The following CREBZF variants were observed in gnomAD, a reference collection of about 807,000 sequenced individuals.
CREBZF encodes the protein CREB/ATF bZIP transcription factor.
In CREBZF, 8 loss-of-function variants were observed where a neutral mutation model predicts 21.1. The ratio of observed to expected loss-of-function variants is 0.38; its 90% CI spans 0.22 to 0.68. The LOEUF is 0.68. Among genes scored for constraint, CREBZF ranks in the 30% least tolerant of loss-of-function variants. CREBZF has a pLI of 0.51. For missense variants in CREBZF, 518 were observed against 484.3 expected, an observed-to-expected ratio of 1.07 and a Z score of -0.65; for synonymous variants, 270 against 223.3, an observed-to-expected ratio of 1.21 and a Z score of -1.86.
chr11:85,662,233 C>T lies in CREBZF; in HGVS notation c.*1578G>A, dbSNP rs998985775. 3.4e-6 allele frequency: 2 copies of T among 585,638 alleles called. No individual in the cohort carries two copies. The highest frequency in any genetic ancestry group is 3.7e-5 in the African/African-American group (2 of 53,482). 36.3% of individuals were successfully genotyped at this position (585,638 alleles called of 1,614,324 possible). On this transcript the variant is annotated 3_prime_UTR_variant, in exon 1 of 1. Transcript: ENST00000527447. ...TTACAGTTGTGCAAGAACAAGGATT[C>T]CATTTTCATAACCAAATAACAAAAT...
At chr11:85,678,690 T>C (rs911917679) in intron 1 of CREBZF, among the ~76,000 whole-genome samples, 1 of 152,238 alleles carries the variant, frequency 6.6e-6, no homozygotes, top group Admixed American at 6.5e-5. Context: ...AATTCTTTTG[T>C]TTGTATGGTT....
rs897419333 is a variant in CREBZF at position 85,659,437 on chromosome 11, C to T, written c.*4374G>A. The stretch of plus-strand genomic sequence containing the variant: ...TAGCTGTACTGTAGGAGCATCAGCG[C>T]CTAAGTTTTAAGCCAGTGGGAATAC... On this transcript the variant is annotated 3_prime_UTR_variant, in exon 1 of 1. Coordinates refer to ENST00000527447, the MANE Select transcript of CREBZF (RefSeq NM_001039618.4). Among the ~76,000 whole-genome samples the T allele has an allele frequency of 2.0e-5, 3 of 152,048 alleles. No homozygotes were observed. Among genetic ancestry groups the T allele is most frequent in the African/African-American group, 4.8e-5 (2 of 41,432 alleles).
chr11:85,679,858 G>C (rs1007839254), intron 1 of CREBZF, among the ~76,000 whole-genome samples: 15 of 152,196 alleles, frequency 9.9e-5, no homozygotes, highest in African/African-American at 3.6e-4. Flanking sequence ...AAATGTGCAG[G>C]CTTTTGAATT....
rs1192 is a variant in CREBZF, at chr11:85,663,949, C to T, written c.927G>A (p.Pro309=). 0.12 allele frequency: 194,353 copies of T among 1,613,698 alleles called. 14,758 individuals carry two copies. The highest frequency in any genetic ancestry group is 0.28 in the East Asian group (12,470 of 44,850). The part of the protein sequence containing the change: ...SPAGDHDYAL[P]VGKQKQDLLE... ...GCAGGTCCTGCTTCTGCTTTCCCAC[C>T]GGCAGAGCGTAGTCGTGGTCACCGG... Residue 309 remains proline (P), a synonymous_variant, in exon 1 of 1, where the codon CCG becomes CCA. Transcript: ENST00000527447.
At position 85,663,787 on chromosome 11, in the gene CREBZF, G is replaced by C; in HGVS notation, c.*24C>G. ...TAAGGGAGTTGAAAGGGGTAAACGC[G>C]GATAAAGAGCAGATTACTTGACCCT... is the stretch of plus-strand genomic sequence containing the variant. On this transcript the variant is annotated 3_prime_UTR_variant, in exon 1 of 1. Coordinates refer to ENST00000527447, the MANE Select transcript of CREBZF (RefSeq NM_001039618.4). The C allele has an allele frequency of 6.3e-7, 1 of 1,582,430 alleles. No homozygotes were observed. Among genetic ancestry groups the C allele is most frequent in the Non-Finnish European group, 8.6e-7 (1 of 1,166,462 alleles).
intron 1 of CREBZF, among the ~76,000 whole-genome samples, chr11:85,680,063 C>G (rs770009298): frequency 2.0e-5 from 3 of 152,174 alleles, no homozygotes; most frequent in Non-Finnish European, 4.4e-5. Flanking sequence ...CTATATGCTT[C>G]CACACCACTA....
intron 1 of CREBZF, among the ~76,000 whole-genome samples, chr11:85,677,563 G>T (rs1212099093): frequency 6.6e-6 from 1 of 152,050 alleles, no homozygotes; most frequent in African/African-American, 2.4e-5. Flanking sequence ...CTTTCTTGTG[G>T]TGTTATTTTA....
chr11:85,673,475 C>T (rs144704200), intron 1 of CREBZF, among the ~76,000 whole-genome samples: 100 of 152,238 alleles, frequency 6.6e-4, no homozygotes, highest in African/African-American at 2.1e-3. Flanking sequence ...TTGAAATGTG[C>T]GTAACTTAAG....
At chr11:85,682,792 A>C (rs1329968638) in exon 1 of CREBZF, 1 of 701,562 alleles carries the variant, frequency 1.4e-6, no homozygotes, top group Non-Finnish European at 2.6e-6. Flanking sequence ...CTGGGCGCAA[A>C]ACTTAGGCCC....
chr11:85,663,761 G>GT lies in CREBZF; in HGVS notation c.*49dup, dbSNP rs1458242775. ...CCCACTAAGGTAAGTTTGACATGGT[G>GT]TAAGGGAGTTGAAAGGGGTAAACGC... On this transcript the variant is annotated 3_prime_UTR_variant, in exon 1 of 1. Transcript: ENST00000527447. 1 of 1,584,948 alleles carries GT rather than the reference G, an allele frequency of 6.3e-7. No individual in the cohort carries two copies. Among genetic ancestry groups the GT allele is most frequent in the African/African-American group, 1.3e-5 (1 of 74,356 alleles).
In CREBZF at chr11:85,663,425, A is replaced by C. The variant is rs2082744494; in HGVS notation, c.*386T>G. ...TTTCCCTCCCACCTTCCAAAACAGA[A>C]AAAAAAAAAAAAATCACACACACAC... On this transcript the variant is annotated 3_prime_UTR_variant, in exon 1 of 1. Coordinates refer to ENST00000527447, the MANE Select transcript of CREBZF (RefSeq NM_001039618.4). 3.7e-6 allele frequency: 2 copies of C among 542,388 alleles called. No individual in the cohort carries two copies. The highest frequency in any genetic ancestry group is 3.5e-5 in the East Asian group (1 of 28,336). 33.6% of individuals were successfully genotyped at this position (542,388 alleles called of 1,614,324 possible). A position where few individuals can be genotyped will look rare whatever the true frequency, so the allele number is the denominator to read the frequency against.
chr11:85,664,603 G>C lies in CREBZF; in HGVS notation c.273C>G (p.Leu91=), dbSNP rs1162473697. Residue 91 remains leucine, a synonymous_variant, in exon 1 of 1, where the codon CTC becomes CTG. Coordinates refer to ENST00000527447, the MANE Select transcript of CREBZF (RefSeq NM_001039618.4). This position sits in a 1 kb window ranked among gnomAD's most constrained non-coding sequence, Gnocchi z 5.5. ...EEMEEEAIAS[L]PGEETEDMDF... is the part of the protein sequence containing the mutation. ...CCATATCCTCCGTCTCTTCCCCCGG[G>C]AGGCTGGCGATCGCCTCCTCCTCCA... 10 of 1,613,740 alleles carry C rather than the reference G, an allele frequency of 6.2e-6. No individual in the cohort carries two copies. Among genetic ancestry groups the C allele is most frequent in the Non-Finnish European group, 7.6e-6 (9 of 1,179,908 alleles).
upstream of CREBZF, among the ~76,000 whole-genome samples, chr11:85,667,498 A>G (rs1040726351): frequency 1.3e-5 from 2 of 152,246 alleles, no homozygotes; most frequent in African/African-American, 4.8e-5. Flanking sequence ...AATGTTCTTC[A>G]GGGAAGATGT....
intron 1 of CREBZF, among the ~76,000 whole-genome samples, chr11:85,670,327 C>T (rs1213889296): frequency 1.2e-3 from 4 of 3,336 alleles, no homozygotes; most frequent in South Asian, 0.021. Flanking sequence ...TTTTTTGAGA[C>T]GGAGTCTCGC....
At chr11:85,680,252 C>T (rs147411918) in intron 1 of CREBZF, among the ~76,000 whole-genome samples, 1 of 152,294 alleles carries the variant, frequency 6.6e-6, no homozygotes, top group East Asian at 1.9e-4. Context: ...TTAACAGCTT[C>T]CTTTTCCTTT....
In CREBZF at chr11:85,664,929, G is replaced by A. The variant is rs935012934; in HGVS notation, c.-54C>T. 3.9e-6 allele frequency: 5 copies of A among 1,297,524 alleles called. No homozygotes were observed. The highest frequency in any genetic ancestry group is 3.4e-5 in the Admixed American group (1 of 29,188). The allele number at this position is 1,297,524 out of a possible 1,614,324, so 80.4% of individuals were successfully genotyped here. ...CCGGCCGCTAAGAGTGGGCCTCACG[G>A]GCCCCAAGGATCCCAGGCCCCAGGG... On this transcript the variant is annotated 5_prime_UTR_variant, in exon 1 of 1. Transcript: ENST00000527447. This position sits in a 1 kb window ranked among gnomAD's most constrained non-coding sequence, Gnocchi z 5.5.
rs757677038 is a variant in CREBZF, at chr11:85,664,447, C to T, written c.429G>A (p.Trp143Ter). 6.2e-7 allele frequency: 1 copy of T among 1,613,576 alleles called. No homozygotes were observed. The highest frequency in any genetic ancestry group is 8.5e-7 in the Non-Finnish European group (1 of 1,179,992). The change falls in exon 1 of 1, where the codon TGG becomes TGA. Residue 143 changes from tryptophan (W) to a stop codon, truncating the protein, a stop_gained. Coordinates refer to ENST00000527447, the MANE Select transcript of CREBZF (RefSeq NM_001039618.4). LOFTEE classifies it high-confidence loss of function. This position sits in a 1 kb window ranked among gnomAD's most constrained non-coding sequence, Gnocchi z 5.5. ...SGGGSDSGGL[W>*]RGDDDDEAAA... ...CGGCCTCATCGTCATCGTCCCCTCT[C>T]CACAGGCCGCCGCTATCCGAGCCTC... is the stretch of plus-strand genomic sequence containing the variant.
upstream of CREBZF, among the ~76,000 whole-genome samples, chr11:85,666,419 C>T (rs1253495377): frequency 6.6e-6 from 1 of 152,206 alleles, no homozygotes; most frequent in Non-Finnish European, 1.5e-5. Flanking sequence ...TGGATGGATG[C>T]AATATCTTAC....
In CREBZF at chr11:85,661,191, G is replaced by T. The variant is rs1042737036; in HGVS notation, c.*2620C>A. On this transcript the variant is annotated 3_prime_UTR_variant, in exon 1 of 1. Coordinates refer to ENST00000527447, the MANE Select transcript of CREBZF (RefSeq NM_001039618.4). Reference sequence around the variant, plus strand: ...GAAACCCAAACATTTACAGTAAAATGTGCTTACACATAAATATGACCAAAT... The same window carrying T: ...GAAACCCAAACATTTACAGTAAAATTTGCTTACACATAAATATGACCAAAT... 3.3e-5 allele frequency: 5 copies of T among 152,386 alleles called. No homozygotes were observed. Among genetic ancestry groups the T allele is most frequent in the African/African-American group, 4.8e-5 (2 of 41,378 alleles). 9.4% of individuals were successfully genotyped at this position (152,386 alleles called of 1,614,324 possible). A position where few individuals can be genotyped will look rare whatever the true frequency, so the allele number is the denominator to read the frequency against.
Sources: allele counts gnomAD v4.1 joint callset (sites outside exome capture counted in the v4.1 genomes callset), GRCh38; gene constraint gnomAD v4.1.1; non-coding constraint Gnocchi (gnomAD v3.1); transcripts MANE v1.5; gene names NCBI Gene and HGNC (gene_info 2026-07-23, HGNC 2026-07-21).